The following PTCD3 variants were observed in gnomAD, a reference collection of about 807,000 sequenced individuals.
PTCD3 encodes small ribosomal subunit protein mS39.
PTCD3 carries 89 observed loss-of-function variants against 101.9 expected under a neutral mutation model. The ratio of observed to expected loss-of-function variants is 0.87; its 90% CI spans 0.74 to 1.04. PTCD3 has a LOEUF of 1.04. PTCD3 is among the 50% of genes least tolerant of loss of function. The pLI is 0.00. For missense variants in PTCD3, 870 were observed against 828.2 expected (o/e 1.05, Z -0.62); for synonymous variants, 296 against 278.5 (o/e 1.06, Z -0.63).
intron 12 of PTCD3, among the ~76,000 whole-genome samples, chr2:86,126,720 G>A (rs572317908): frequency 1.0e-3 from 159 of 151,480 alleles, no homozygotes; most frequent in Non-Finnish European, 1.9e-3. Flanking sequence ...GCCTGTAGTC[G>A]CAGCTACTCA....
chr2:86,107,091 T>C (rs952505858), intron 1 of PTCD3: 2 of 470,362 alleles, frequency 4.3e-6, no homozygotes, highest in African/African-American at 4.0e-5. Flanking sequence ...TAATTTACAA[T>C]ATGTTTTTAT....
chr2:86,110,985 G>A (rs759944417), intron 3 of PTCD3, 128 bp from the exon 4 acceptor site: 4 of 873,658 alleles, frequency 4.6e-6, no homozygotes, highest in African/African-American at 1.7e-5. Context: ...TAGTGACCTT[G>A]TGACATAACC....
chr2:86,111,226 A>G lies in PTCD3; in HGVS notation c.240+68A>G, dbSNP rs542787458. On this transcript the variant is annotated intron_variant, in intron 4 of 23. Coordinates refer to ENST00000254630, the MANE Select transcript of PTCD3 (RefSeq NM_017952.6). ...AATAACACACTTTTTAACTCGGCTA[A>G]TAACACATTTAATACTCATACCTCG... The G allele has an allele frequency of 4.1e-5, 54 of 1,310,162 alleles. No individual in the cohort carries two copies. The South Asian group carries it at 6.1e-4, about 15-fold the overall frequency. 81.2% of individuals were successfully genotyped at this position (1,310,162 alleles called of 1,614,324 possible). A position where few individuals can be genotyped will look rare whatever the true frequency, so the allele number is the denominator to read the frequency against.
intron 10 of PTCD3, 144 bp downstream of exon 10, chr2:86,125,226 C>A: frequency 7.3e-7 from 1 of 1,362,858 alleles, no homozygotes; most frequent in South Asian, 1.5e-5. Flanking sequence ...CTGGCTTCTA[C>A]CCACTGGATG....
intron 15 of PTCD3, 93 bp downstream of exon 15, chr2:86,130,830 TA>T (rs1674482968): frequency 6.7e-7 from 1 of 1,496,210 alleles, no homozygotes; most frequent in African/African-American, 1.5e-5. Context: ...CCCTATAGCT[TA>T]GAAGTATTTT....
chr2:86,139,632 T>A lies in PTCD3; in HGVS notation c.*2073T>A, dbSNP rs1250633148. On this transcript the variant is annotated 3_prime_UTR_variant, in exon 24 of 24. Coordinates refer to ENST00000254630, the MANE Select transcript of PTCD3 (RefSeq NM_017952.6). ...AGCCTGGGTAACAGTGAGACCCCCCTCCCTACAAAAGATTTTAATAATTAG... is the reference window on the plus strand; with the variant it reads ...AGCCTGGGTAACAGTGAGACCCCCCACCCTACAAAAGATTTTAATAATTAG... The A allele has an allele frequency of 6.6e-6, 1 of 152,050 alleles. No homozygotes were observed. Among genetic ancestry groups the A allele is most frequent in the Non-Finnish European group, 1.5e-5 (1 of 68,084 alleles). The allele number at this position is 152,050 out of a possible 1,614,324, so 9.4% of individuals were successfully genotyped here. A position where few individuals can be genotyped will look rare whatever the true frequency, so the allele number is the denominator to read the frequency against.
intron 21 of PTCD3, chr2:86,136,084 GC>G: frequency 2.0e-6 from 1 of 512,474 alleles, no homozygotes; most frequent in Non-Finnish European, 3.9e-6. Flanking sequence ...TCTGTTCTAT[GC>G]CTCTTTTCCA....
chr2:86,125,006 A>G lies in PTCD3; in HGVS notation c.728A>G (p.Asn243Ser). 6.2e-7 allele frequency: 1 copy of G among 1,614,028 alleles called. No individual in the cohort carries two copies. The highest frequency in any genetic ancestry group is 8.5e-7 in the Non-Finnish European group (1 of 1,180,016). Residue 243 changes from asparagine to serine, a missense_variant, in exon 10 of 24, where the codon AAC (asparagine) becomes AGC (serine). Coordinates refer to ENST00000254630, the MANE Select transcript of PTCD3 (RefSeq NM_017952.6). ...TCTCTTGTGTCTAGAGCAAAAAACA[A>G]CGCTGAGAGAATCTTTTCTCTAATG... is the stretch of plus-strand genomic sequence containing the variant. ...QFGVTWRAKN[N>S]AERIFSLMPE...
intron 3 of PTCD3, 128 bp downstream of exon 3, chr2:86,108,664 C>A: frequency 1.1e-6 from 1 of 902,360 alleles, no homozygotes; most frequent in Non-Finnish European, 1.6e-6. Flanking sequence ...AGTAGCTGAG[C>A]GGGGAGAAGC....
At position 86,138,542 on chromosome 2, in the gene PTCD3, A is replaced by AG. The variant is rs1674634651; in HGVS notation, c.*984dup. 1 of 152,174 alleles carries AG rather than the reference A, an allele frequency of 6.6e-6. No individual in the cohort carries two copies. The highest frequency in any genetic ancestry group is 2.4e-5 in the African/African-American group (1 of 41,438). 9.4% of individuals were successfully genotyped at this position (152,174 alleles called of 1,614,324 possible). ...AGAGTTGACAATTATGGGATACTCTAGTCTACTTATACTTGTGTTCCCATC... is the reference window on the plus strand; with the variant it reads ...AGAGTTGACAATTATGGGATACTCTAGGTCTACTTATACTTGTGTTCCCATC... On this transcript the variant is annotated 3_prime_UTR_variant, in exon 24 of 24. Coordinates refer to ENST00000254630, the MANE Select transcript of PTCD3 (RefSeq NM_017952.6).
rs1674607855 is a variant in PTCD3 at position 86,137,465 on chromosome 2, A to T, written c.1980-4A>T. On this transcript the variant is annotated splice_region_variant and splice_polypyrimidine_tract_variant and intron_variant, in intron 23 of 23. Transcript: ENST00000254630. Reference sequence around the variant, plus strand: ...TGTAATCCTCCATTTTCTTTTCTTAACAGGGAAGCCCTAAGTAATCTAACT... The same window carrying T: ...TGTAATCCTCCATTTTCTTTTCTTATCAGGGAAGCCCTAAGTAATCTAACT... 1.2e-6 allele frequency: 2 copies of T among 1,613,676 alleles called. No individual in the cohort carries two copies. The highest frequency in any genetic ancestry group is 1.3e-5 in the African/African-American group (1 of 74,858).
chr2:86,110,414 T>C (rs1674055919), intron 3 of PTCD3, among the ~76,000 whole-genome samples: 1 of 152,262 alleles, frequency 6.6e-6, no homozygotes, highest in African/African-American at 2.4e-5. Flanking sequence ...AAAAATACTC[T>C]TGGTATAATT....
intron 11 of PTCD3, 104 bp downstream of exon 11, chr2:86,125,619 T>C: frequency 8.0e-7 from 1 of 1,246,506 alleles, no homozygotes; most frequent in Non-Finnish European, 1.2e-6. Flanking sequence ...CACTTTACCT[T>C]TTCCTGAGGC....
intron 21 of PTCD3, among the ~76,000 whole-genome samples, chr2:86,136,306 G>A (rs975898026): frequency 2.6e-5 from 4 of 152,314 alleles, no homozygotes; most frequent in Admixed American, 2.6e-4. Context: ...GAAAACTGCA[G>A]TGTAGATTCG....
chr2:86,111,120 G>A lies in PTCD3; in HGVS notation c.202G>A (p.Val68Ile). Residue 68 changes from valine to isoleucine, a missense_variant, in exon 4 of 24, where the codon GTA becomes ATA. Coordinates refer to ENST00000254630, the MANE Select transcript of PTCD3 (RefSeq NM_017952.6). The stretch of plus-strand genomic sequence containing the variant: ...TGTGGTTCTTATTTTTAGGGATAAA[G>A]TAGCCGTTCTTCAGGCACTTGCATC... ...VIPKKKTWDK[V>I]AVLQALASTV... is the part of the protein sequence containing the mutation. 4 of 1,613,368 alleles carry A rather than the reference G, an allele frequency of 2.5e-6. No individual in the cohort carries two copies. Among genetic ancestry groups the A allele is most frequent in the East Asian group, 2.2e-5 (1 of 44,876 alleles).
Position 86,132,349 on chromosome 2 carries a change from A to G in PTCD3, c.1298A>G (p.Tyr433Cys). The G allele has an allele frequency of 1.9e-6, 3 of 1,607,874 alleles. No individual in the cohort carries two copies. The highest frequency in any genetic ancestry group is 2.6e-6 in the Non-Finnish European group (3 of 1,174,872). ...TCTCTCAGAGATCTAGAACTTGCCTACCAAGTACATGGCCTTTTAAAAACC... is the reference window on the plus strand; with the variant it reads ...TCTCTCAGAGATCTAGAACTTGCCTGCCAAGTACATGGCCTTTTAAAAACC... The part of the protein sequence containing the change: ...CSSLRDLELA[Y>C]QVHGLLKTGD... The change falls in exon 17 of 24, where the codon TAC becomes TGC. Residue 433 changes from tyrosine to cysteine, a missense_variant. Coordinates refer to ENST00000254630, the MANE Select transcript of PTCD3 (RefSeq NM_017952.6).
intron 16 of PTCD3, 71 bp downstream of exon 16, chr2:86,131,177 G>A: frequency 8.5e-7 from 1 of 1,179,490 alleles, no homozygotes; most frequent in Admixed American, 2.5e-5. Context: ...GTTCTCCCTG[G>A]TTCTTTTCAC....
In PTCD3 at chr2:86,140,227, C is replaced by CAAAAAA. The variant is rs34710000; in HGVS notation, c.*2682_*2687dup. On this transcript the variant is annotated 3_prime_UTR_variant, in exon 24 of 24. Coordinates refer to ENST00000254630, the MANE Select transcript of PTCD3 (RefSeq NM_017952.6). Reference sequence around the variant, plus strand: ...GACTCCCCTTTCAGCAACCTCAAAGCAAAAAAAAAAAAAAAAAAACCAGTT... The same window carrying CAAAAAA: ...GACTCCCCTTTCAGCAACCTCAAAGCAAAAAAAAAAAAAAAAAAAAAAAAACCAGTT... 1 of 103,762 alleles carries CAAAAAA rather than the reference C, an allele frequency of 9.6e-6. No homozygotes were observed. The highest frequency in any genetic ancestry group is 1.0e-4 in the Admixed American group (1 of 9,900). The allele number at this position is 103,762 out of a possible 1,614,324, so 6.4% of individuals were successfully genotyped here.
At chr2:86,128,762 A>C (rs1259726225) in intron 14 of PTCD3, among the ~76,000 whole-genome samples, 1 of 152,192 alleles carries the variant, frequency 6.6e-6, no homozygotes, top group Non-Finnish European at 1.5e-5. Context: ...ACCTGAGCTG[A>C]GATGTCCACT....
Sources: gnomAD v4.1 joint callset for allele counts (sites outside exome capture counted in the v4.1 genomes callset) on GRCh38, gnomAD v4.1.1 for gene constraint, MANE v1.5 for transcripts, NCBI Gene and HGNC (gene_info 2026-07-23, HGNC 2026-07-21) for gene names.